Variants in CTNNA2 observed in about 807,000 individuals in gnomAD.
The protein encoded by CTNNA2 is catenin alpha-2.
Under a neutral mutation model 101.0 loss-of-function variants are expected in CTNNA2, and 42 were observed. The observed-to-expected ratio is 0.42, with a 90% CI of 0.32 to 0.54. CTNNA2 has a LOEUF of 0.54. Among genes scored for constraint, CTNNA2 ranks in the 20% least tolerant of loss-of-function variants. The pLI, the probability that CTNNA2 is intolerant of heterozygous loss-of-function variation, is 0.14. For missense variants in CTNNA2, 871 were observed against 1,223.1 expected, an observed-to-expected ratio of 0.71 and a Z score of 4.29; for synonymous variants, 450 against 456.4, an observed-to-expected ratio of 0.99 and a Z score of 0.18.
At chr2:79,288,209 T>C (rs1433825891) in intron 2 of CTNNA2, among the ~76,000 whole-genome samples, 3 of 152,250 alleles carry the variant, frequency 2.0e-5, no homozygotes, top group Non-Finnish European at 2.9e-5. Flanking sequence ...ACCCATCTTC[T>C]GCGTCACTCA....
chr2:80,549,773 CA>C (rs1692411756), intron 11 of CTNNA2, among the ~76,000 whole-genome samples: 2 of 152,162 alleles, frequency 1.3e-5, no homozygotes, highest in Non-Finnish European at 2.9e-5. Context: ...TCTCAATGGG[CA>C]TGTTCATTCA....
At chr2:79,982,326 C>CATATATAAA in intron 7 of CTNNA2, among the ~76,000 whole-genome samples, 1 of 129,820 alleles carries the variant, frequency 7.7e-6, no homozygotes, top group South Asian at 2.4e-4. Context: ...ACATATATAA[C>CATATATAAA]ACACATATAA....
At chr2:79,799,641 A>G (rs865846084) in intron 3 of CTNNA2, among the ~76,000 whole-genome samples, 2 of 152,178 alleles carry the variant, frequency 1.3e-5, no homozygotes, top group Non-Finnish European at 2.9e-5. Flanking sequence ...AAAGTGAGAG[A>G]GCAAAAAGAG....
intron 2 of CTNNA2, among the ~76,000 whole-genome samples, chr2:79,741,671 T>A (rs7578800): frequency 0.034 from 5,151 of 152,306 alleles, 294 homozygotes; most frequent in African/African-American, 0.11. Context: ...CTGCTCTTCC[T>A]TTAGGTTTTT....
intron 7 of CTNNA2, among the ~76,000 whole-genome samples, chr2:79,967,205 A>G (rs1268700334): frequency 6.6e-6 from 1 of 151,946 alleles, no homozygotes; most frequent in African/African-American, 2.4e-5. Flanking sequence ...TATATGTGTA[A>G]ACTAGAATCA....
At chr2:79,571,253 A>G (rs1675443054) in intron 1 of CTNNA2, among the ~76,000 whole-genome samples, 2 of 152,130 alleles carry the variant, frequency 1.3e-5, no homozygotes, top group African/African-American at 2.4e-5. Context: ...AATTGTATCT[A>G]TCATTCTTGT....
intron 3 of CTNNA2, among the ~76,000 whole-genome samples, chr2:79,851,001 A>G (rs541449918): frequency 6.6e-6 from 1 of 152,298 alleles, no homozygotes; most frequent in African/African-American, 2.4e-5. Context: ...AGACATTCCT[A>G]TGTTTGCAAA....
chr2:80,358,660 T>C (rs1674088938), intron 7 of CTNNA2, among the ~76,000 whole-genome samples: 1 of 152,168 alleles, frequency 6.6e-6, no homozygotes, highest in Non-Finnish European at 1.5e-5. Context: ...GCCACTACTC[T>C]ACTTTTATGT....
At chr2:80,463,315 C>T (rs2149475463) in intron 9 of CTNNA2, among the ~76,000 whole-genome samples, 1 of 152,256 alleles carries the variant, frequency 6.6e-6, no homozygotes, top group Non-Finnish European at 1.5e-5. Context: ...TTAATAGTCG[C>T]CAGCACTACG....
At chr2:79,680,458 G>A (rs1053426384) in intron 2 of CTNNA2, among the ~76,000 whole-genome samples, 23 of 151,808 alleles carry the variant, frequency 1.5e-4, no homozygotes, top group African/African-American at 5.6e-4. Context: ...GTTCACAGAG[G>A]TGTCAAAAAA....
At chr2:79,785,662 G>T (rs907711573) in intron 3 of CTNNA2, among the ~76,000 whole-genome samples, 10 of 152,056 alleles carry the variant, frequency 6.6e-5, no homozygotes, top group Non-Finnish European at 7.4e-5. Context: ...GGGATATTTA[G>T]TGTGTGTTTG....
intron 3 of CTNNA2, among the ~76,000 whole-genome samples, chr2:79,361,384 G>A (rs1456451172): frequency 6.6e-6 from 1 of 152,144 alleles, no homozygotes; most frequent in Non-Finnish European, 1.5e-5. Flanking sequence ...GAAAAAAAAG[G>A]TGACAATATC....
intron 2 of CTNNA2, among the ~76,000 whole-genome samples, chr2:79,232,734 C>A (rs915605854): frequency 5.9e-5 from 9 of 152,094 alleles, no homozygotes; most frequent in African/African-American, 1.9e-4. Flanking sequence ...CGGGTCTTTT[C>A]AGGTTTTCAC....
At chr2:80,144,068 C>G (rs1308760425) in intron 7 of CTNNA2, among the ~76,000 whole-genome samples, 1 of 152,100 alleles carries the variant, frequency 6.6e-6, no homozygotes, top group African/African-American at 2.4e-5. Context: ...ATGATGCTGC[C>G]TTGTTAGGTT....
intron 7 of CTNNA2, among the ~76,000 whole-genome samples, chr2:80,342,973 C>G (rs1181241198): frequency 6.6e-6 from 1 of 152,132 alleles, no homozygotes; most frequent in Non-Finnish European, 1.5e-5. Flanking sequence ...TGTTGTTTGA[C>G]TTGTAGGTGG....
intron 6 of CTNNA2, among the ~76,000 whole-genome samples, chr2:79,902,025 C>T (rs1330369976): frequency 6.6e-6 from 1 of 152,126 alleles, no homozygotes; most frequent in East Asian, 1.9e-4. Flanking sequence ...CAGTTTGAAA[C>T]AGAGGTGAGG....
rs1249932086 is a variant in CTNNA2, at chr2:79,534,881, C to A, written c.-6+21674C>A. 3.4e-5 allele frequency among the ~76,000 whole-genome samples: 5 copies of A among 148,774 alleles called. No individual in the cohort carries two copies. In the South Asian group the frequency reaches 8.4e-4, roughly 25 times the overall value. On this transcript the variant is annotated intron_variant, in intron 1 of 18. Coordinates refer to ENST00000402739, the MANE Select transcript of CTNNA2 (RefSeq NM_001282597.3). ...TTTTTGCTGTTAATATTTTTATAGC[C>A]AGTTAGTTGGTAAGAAGGGTGAAAA...
intron 4 of CTNNA2, among the ~76,000 whole-genome samples, chr2:79,378,408 TTTTG>T (rs1678002679): frequency 6.6e-6 from 1 of 152,094 alleles, no homozygotes. Flanking sequence ...TATGCTCTAG[TTTTG>T]TTTATTTGTT....
rs372474966 is a variant in CTNNA2 at position 80,443,642 on chromosome 2, C to T, written c.1290+24041C>T. ...TCAGAGCTATAAAATAAGGCACTGT[C>T]GTTAATTAGCAGTGAAACCTTGAGA... On this transcript the variant is annotated intron_variant, in intron 9 of 18. Coordinates refer to ENST00000402739, the MANE Select transcript of CTNNA2 (RefSeq NM_001282597.3). Among the ~76,000 whole-genome samples the T allele has an allele frequency of 4.6e-5, 7 of 152,240 alleles. 1 individual carries two copies. Among genetic ancestry groups the T allele is most frequent in the Admixed American group, 2.6e-4 (4 of 15,292 alleles).
Sources: allele counts gnomAD v4.1 joint callset (sites outside exome capture counted in the v4.1 genomes callset), GRCh38; gene constraint gnomAD v4.1.1; transcripts MANE v1.5; gene names NCBI Gene and HGNC (gene_info 2026-07-23, HGNC 2026-07-21).